The following TOX3 variants were observed in gnomAD, a reference collection of about 807,000 sequenced individuals.
TOX3 encodes the protein CAG trinucleotide repeat-containing gene F9 protein.
TOX3 carries 22 observed loss-of-function variants against 64.3 expected under a neutral mutation model. The ratio of observed to expected loss-of-function variants is 0.34; its 90% CI spans 0.24 to 0.49. The LOEUF (loss-of-function observed/expected upper bound fraction) is 0.49, where lower values mean the gene tolerates loss of function less well. TOX3 is among the 20% of genes least tolerant of loss of function. The pLI is 0.99. For synonymous variants in TOX3, 291 were observed against 273.6 expected, an observed-to-expected ratio of 1.06 and a Z score of -0.63; for missense variants, 661 against 714.4, an observed-to-expected ratio of 0.93 and a Z score of 0.85.
At chr16:52,452,448 T>C (rs1001998353) in intron 3 of TOX3, among the ~76,000 whole-genome samples, 17 of 151,956 alleles carry the variant, frequency 1.1e-4, no homozygotes, top group Non-Finnish European at 2.4e-4. Context: ...TAGTATTCCA[T>C]AGTGTATATG....
intron 1 of TOX3, among the ~76,000 whole-genome samples, chr16:52,475,257 GTGTT>G (rs1306854105): frequency 6.6e-6 from 1 of 152,198 alleles, no homozygotes. Context: ...AAGAAGAAGA[GTGTT>G]TGGTAAATAG....
At chr16:52,525,510 T>A (rs1273327635) in intron 1 of TOX3, among the ~76,000 whole-genome samples, 1 of 152,172 alleles carries the variant, frequency 6.6e-6, no homozygotes, top group Non-Finnish European at 1.5e-5. Flanking sequence ...TCCAGAGCAA[T>A]GTCAAGGATT....
Position 52,546,963 on chromosome 16 carries a change from G to A in TOX3, c.-240C>T. ...GCGGCCGGGGGGACGCGCCCCGCCG[G>A]GGCACCGAGGCAGCGCTGCGCGCGG... On this transcript the variant is annotated 5_prime_UTR_variant, in exon 1 of 7. Coordinates refer to ENST00000219746, the MANE Select transcript of TOX3 (RefSeq NM_001080430.4). 1.0e-6 allele frequency: 1 copy of A among 980,998 alleles called. No individual in the cohort carries two copies. Among genetic ancestry groups the A allele is most frequent in the Non-Finnish European group, 1.2e-6 (1 of 828,380 alleles). 60.8% of individuals were successfully genotyped at this position (980,998 alleles called of 1,614,324 possible). A position where few individuals can be genotyped will look rare whatever the true frequency, so the allele number is the denominator to read the frequency against.
At chr16:52,536,616 A>G (rs1962948899) in intron 1 of TOX3, among the ~76,000 whole-genome samples, 1 of 126,528 alleles carries the variant, frequency 7.9e-6, no homozygotes, top group African/African-American at 3.0e-5. Context: ...TTCTACTGAA[A>G]TAGATATACA....
chr16:52,520,041 T>C (rs1012533719), intron 1 of TOX3, among the ~76,000 whole-genome samples: 5 of 151,278 alleles, frequency 3.3e-5, no homozygotes, highest in Admixed American at 2.6e-4. Flanking sequence ...ACAAATACAA[T>C]GCCCCAATGG....
At chr16:52,454,774 G>C (rs1344498840) in intron 3 of TOX3, among the ~76,000 whole-genome samples, 1 of 152,152 alleles carries the variant, frequency 6.6e-6, no homozygotes, top group African/African-American at 2.4e-5. Context: ...TTATATCTTT[G>C]AGAACCAGGA....
chr16:52,445,611 T>G (rs1049890662), intron 5 of TOX3: 2 of 174,580 alleles, frequency 1.1e-5, no homozygotes, highest in Non-Finnish European at 2.4e-5. Context: ...GCACAAGGGT[T>G]CAGAAAGATG....
chr16:52,470,709 T>C (rs2151760694), intron 1 of TOX3, among the ~76,000 whole-genome samples: 1 of 152,318 alleles, frequency 6.6e-6, no homozygotes, highest in Non-Finnish European at 1.5e-5. Flanking sequence ...GGCACCGCAG[T>C]GCACACTGAT....
chr16:52,463,903 A>T (rs1329158767), intron 3 of TOX3, 31 bp downstream of exon 3: 2 of 1,483,134 alleles, frequency 1.3e-6, no homozygotes, highest in Non-Finnish European at 1.8e-6. Flanking sequence ...AAATGATAAA[A>T]AATAATTTAA....
intron 4 of TOX3, among the ~76,000 whole-genome samples, chr16:52,446,444 G>A (rs766994637): frequency 2.6e-5 from 4 of 152,204 alleles, no homozygotes; most frequent in African/African-American, 7.2e-5. Flanking sequence ...TCTTCAATAC[G>A]TTCACAACAT....
At position 52,444,311 on chromosome 16, in the gene TOX3, C is replaced by A; in HGVS notation, c.952G>T (p.Ala318Ser). 7.5e-6 allele frequency: 12 copies of A among 1,589,736 alleles called. No individual in the cohort carries two copies. Among genetic ancestry groups the A allele is most frequent in the Non-Finnish European group, 1.0e-5 (12 of 1,166,336 alleles). ...TEAAKKEYLKALAAYRASLVS... is the reference protein window; with the variant it reads ...TEAAKKEYLKSLAAYRASLVS... Reference sequence around the variant, plus strand: ...AGGCTGGCCCTGTATGCCGCCAGGGCCTTCAGGTATTCTTTTTTGGCAGCT... The same window carrying A: ...AGGCTGGCCCTGTATGCCGCCAGGGACTTCAGGTATTCTTTTTTGGCAGCT... The change falls in exon 6 of 7, where the codon GCC (alanine) becomes TCC (serine). Residue 318 changes from alanine (A) to serine (S), a missense_variant. This residue lies in a region of TOX3 where 103 missense variants were observed against 161.2 expected (regional missense o/e 0.64). Transcript: ENST00000219746.
intron 1 of TOX3, among the ~76,000 whole-genome samples, chr16:52,486,946 T>G (rs1166650816): frequency 6.6e-6 from 1 of 151,938 alleles, no homozygotes; most frequent in Non-Finnish European, 1.5e-5. Flanking sequence ...TTTAATTAAT[T>G]AATTAATTTT....
At chr16:52,501,958 G>A (rs1962016858) in intron 1 of TOX3, among the ~76,000 whole-genome samples, 1 of 152,152 alleles carries the variant, frequency 6.6e-6, no homozygotes, top group African/African-American at 2.4e-5. Flanking sequence ...AGAGAAGGAG[G>A]GTAACACAGT....
intron 1 of TOX3, among the ~76,000 whole-genome samples, chr16:52,488,871 T>C (rs554156218): frequency 2.6e-5 from 4 of 152,140 alleles, no homozygotes; most frequent in African/African-American, 9.6e-5. Context: ...TATTGTTAGG[T>C]TTCTGACTCA....
intron 1 of TOX3, among the ~76,000 whole-genome samples, chr16:52,541,113 A>G (rs1280509580): frequency 6.6e-6 from 1 of 152,116 alleles, no homozygotes; most frequent in African/African-American, 2.4e-5. Context: ...CCCTGGGCCC[A>G]TGAATCAGAA....
intron 1 of TOX3, among the ~76,000 whole-genome samples, chr16:52,474,191 C>G (rs752626976): frequency 7.9e-5 from 12 of 152,266 alleles, no homozygotes; most frequent in Non-Finnish European, 1.2e-4. Flanking sequence ...TAAATCCTCT[C>G]TCTCTGTCTC....
chr16:52,497,195 G>T (rs1031783691), intron 1 of TOX3, among the ~76,000 whole-genome samples: 3 of 152,146 alleles, frequency 2.0e-5, no homozygotes, highest in African/African-American at 7.2e-5. Context: ...ACAAACACCA[G>T]CCCAGTGCAG....
At chr16:52,474,155 T>C (rs1448891935) in intron 1 of TOX3, among the ~76,000 whole-genome samples, 2 of 152,134 alleles carry the variant, frequency 1.3e-5, no homozygotes, top group Non-Finnish European at 2.9e-5. Flanking sequence ...GACTCACTTT[T>C]GGTGACTCCG....
In TOX3 at chr16:52,438,280, T is replaced by C. The variant is rs1474609624; in HGVS notation, c.*945A>G. 1 of 152,640 alleles carries C rather than the reference T, an allele frequency of 6.6e-6. No individual in the cohort carries two copies. Among genetic ancestry groups the C allele is most frequent in the Non-Finnish European group, 1.5e-5 (1 of 68,034 alleles). The allele number at this position is 152,640 out of a possible 1,614,324, so 9.5% of individuals were successfully genotyped here. A position where few individuals can be genotyped will look rare whatever the true frequency, so the allele number is the denominator to read the frequency against. On this transcript the variant is annotated 3_prime_UTR_variant, in exon 7 of 7. Coordinates refer to ENST00000219746, the MANE Select transcript of TOX3 (RefSeq NM_001080430.4). ...TCATTTAGGAAAACTTTACAGCACA[T>C]GATATGAAAACTTACAACTTTGAAA...
Sources: allele counts gnomAD v4.1 joint callset (sites outside exome capture counted in the v4.1 genomes callset), GRCh38; gene constraint gnomAD v4.1.1; regional missense constraint gnomAD v4.1.1; transcripts MANE v1.5; gene names NCBI Gene and HGNC (gene_info 2026-07-23, HGNC 2026-07-21).